Variants in GAB2 observed in about 807,000 individuals in gnomAD.
GAB2 encodes the protein GRB2 associated binding protein 2, also known as GRB2-associated-binding protein 2.
Under a neutral mutation model 65.5 loss-of-function variants are expected in GAB2, and 26 were observed. The ratio of observed to expected loss-of-function variants is 0.40; its 90% CI spans 0.29 to 0.55. The LOEUF (loss-of-function observed/expected upper bound fraction) is 0.55, where lower values mean the gene tolerates loss of function less well. Among genes scored for constraint, GAB2 ranks in the 20% least tolerant of loss-of-function variants. The pLI is 0.53. For synonymous variants in GAB2, 321 were observed against 329.6 expected, an observed-to-expected ratio of 0.97 and a Z score of 0.28; for missense variants, 884 against 875.8, an observed-to-expected ratio of 1.01 and a Z score of -0.12.
At position 78,226,519 on chromosome 11, in the gene GAB2, T is replaced by G; in HGVS notation, c.1153A>C (p.Thr385Pro). The change falls in exon 4 of 10, where the codon ACC (threonine) becomes CCC (proline). Residue 385 changes from threonine (T) to proline (P), a missense_variant. By Grantham distance (38) the Thr-to-Pro change is conservative. Coordinates refer to ENST00000361507, the MANE Select transcript of GAB2 (RefSeq NM_080491.3). The stretch of plus-strand genomic sequence containing the variant: ...GGGAGGGTGTTGCGTCTGGGGATGG[T>G]GGCAGCGACAGATCTGCTATTTTCA... ...ISENSRSVAATIPRRNTLPAM... is the reference protein window; with the variant it reads ...ISENSRSVAAPIPRRNTLPAM... 1 of 1,596,740 alleles carries G rather than the reference T, an allele frequency of 6.3e-7. No homozygotes were observed. The highest frequency in any genetic ancestry group is 8.5e-7 in the Non-Finnish European group (1 of 1,173,306).
At chr11:78,251,261 T>C (rs940054507) in intron 2 of GAB2, among the ~76,000 whole-genome samples, 1 of 152,124 alleles carries the variant, frequency 6.6e-6, no homozygotes, top group African/African-American at 2.4e-5. Flanking sequence ...CACAAATGCA[T>C]TTGGAGCTGT....
intron 1 of GAB2, among the ~76,000 whole-genome samples, chr11:78,288,714 T>C (rs751432390): frequency 1.6e-4 from 25 of 152,186 alleles, no homozygotes; most frequent in Admixed American, 3.9e-4. Flanking sequence ...ACATACCATA[T>C]TCATGGATTG....
chr11:78,361,385 A>C (rs1398306643), intron 1 of GAB2, among the ~76,000 whole-genome samples: 2 of 152,164 alleles, frequency 1.3e-5, no homozygotes, highest in East Asian at 3.8e-4. Context: ...ACTATTTTCA[A>C]ATCCTGCATG....
chr11:78,305,878 G>C (rs1855346037), intron 1 of GAB2, among the ~76,000 whole-genome samples: 1 of 152,150 alleles, frequency 6.6e-6, no homozygotes, highest in Non-Finnish European at 1.5e-5. Flanking sequence ...AGAGGAAAAG[G>C]CAAGCATTGC....
At chr11:78,252,539 CT>C (rs779318326) in intron 2 of GAB2, among the ~76,000 whole-genome samples, 8 of 152,208 alleles carry the variant, frequency 5.3e-5, no homozygotes, top group Non-Finnish European at 1.2e-4. Flanking sequence ...TCTCTGTTGT[CT>C]CGTTGGACTC....
At chr11:78,275,922 T>C (rs1276619551) in intron 2 of GAB2, among the ~76,000 whole-genome samples, 3 of 151,990 alleles carry the variant, frequency 2.0e-5, no homozygotes, top group Non-Finnish European at 4.4e-5. Flanking sequence ...GACACCAGCC[T>C]GGACAACAGG....
At chr11:78,399,101 A>G (rs1214449641) in intron 1 of GAB2, among the ~76,000 whole-genome samples, 2 of 152,254 alleles carry the variant, frequency 1.3e-5, no homozygotes, top group African/African-American at 4.8e-5. Flanking sequence ...AAGTAAATAA[A>G]TAAGAAGCCA....
chr11:78,265,815 G>A (rs561806861), intron 2 of GAB2, among the ~76,000 whole-genome samples: 1 of 152,146 alleles, frequency 6.6e-6, no homozygotes, highest in African/African-American at 2.4e-5. Context: ...AAAGCTTTCT[G>A]TTCTCCCCAA....
In GAB2 at chr11:78,401,658, C is replaced by T. The variant is rs756186736; in HGVS notation, c.75+15988G>A. Among the ~76,000 whole-genome samples, 5 of 150,808 alleles carry T rather than the reference C, an allele frequency of 3.3e-5. No individual in the cohort carries two copies. In the East Asian group the frequency reaches 5.8e-4, roughly 18 times the overall value. On this transcript the variant is annotated intron_variant, in intron 1 of 9. Coordinates refer to ENST00000361507, the MANE Select transcript of GAB2 (RefSeq NM_080491.3). Reference sequence around the variant, plus strand: ...GCTGAACAGTATTCCAGTGTGTGTGCGTGTGTGTATATATATGTATACCAG... The same window carrying T: ...GCTGAACAGTATTCCAGTGTGTGTGTGTGTGTGTATATATATGTATACCAG...
At chr11:78,309,766 C>T (rs1855448158) in intron 1 of GAB2, among the ~76,000 whole-genome samples, 1 of 152,116 alleles carries the variant, frequency 6.6e-6, no homozygotes, top group Non-Finnish European at 1.5e-5. Context: ...AACAGAAAAG[C>T]TGCTTTTCTC....
At chr11:78,235,284 C>T (rs1402103101) in intron 3 of GAB2, among the ~76,000 whole-genome samples, 1 of 151,866 alleles carries the variant, frequency 6.6e-6, no homozygotes, top group Non-Finnish European at 1.5e-5. Flanking sequence ...TCCCGAGTAG[C>T]TGGGACTAAA....
chr11:78,272,401 G>T (rs1269444611), intron 2 of GAB2, among the ~76,000 whole-genome samples: 1 of 152,170 alleles, frequency 6.6e-6, no homozygotes. Context: ...TGGAGATGAG[G>T]AACTTGTTGG....
At chr11:78,294,471 G>C (rs138105085) in intron 1 of GAB2, among the ~76,000 whole-genome samples, 2,645 of 152,248 alleles carry the variant, frequency 0.017, 88 homozygotes, top group African/African-American at 0.062. Flanking sequence ...TCTAGTTCAA[G>C]ATCCCTGAGG....
At position 78,370,712 on chromosome 11, in the gene GAB2, C is replaced by CCTGTGTGTATGTGTGT. The variant is rs58668713; in HGVS notation, c.75+46933_75+46934insACACACATACACACAG. 3.8e-3 allele frequency among the ~76,000 whole-genome samples: 470 copies of CCTGTGTGTATGTGTGT among 123,290 alleles called. 3 individuals are homozygous for CCTGTGTGTATGTGTGT. The highest frequency in any genetic ancestry group is 0.013 in the African/African-American group (447 of 34,646). The allele number at this position is 123,290 out of a possible 152,430, so 80.9% of individuals were successfully genotyped here. Reference sequence around the variant, plus strand: ...ACTACTAATATTGTATGTGTGTGTGCGTGTGTGTGTGTATGTGTGTGTGTG... The same window carrying CCTGTGTGTATGTGTGT: ...ACTACTAATATTGTATGTGTGTGTGCCTGTGTGTATGTGTGTGTGTGTGTGTGTATGTGTGTGTGTG... On this transcript the variant is annotated intron_variant, in intron 1 of 9. Coordinates refer to ENST00000361507, the MANE Select transcript of GAB2 (RefSeq NM_080491.3).
At chr11:78,293,918 AT>A (rs1413946278) in intron 1 of GAB2, among the ~76,000 whole-genome samples, 2 of 107,730 alleles carry the variant, frequency 1.9e-5, no homozygotes, top group Non-Finnish European at 4.2e-5. Context: ...GTCTTTTTTT[AT>A]TTTTATTTTT....
intron 1 of GAB2, among the ~76,000 whole-genome samples, chr11:78,389,797 C>T (rs1376958989): frequency 3.3e-5 from 5 of 152,192 alleles, no homozygotes; most frequent in Non-Finnish European, 1.5e-5. Context: ...CCTTTTACCA[C>T]CCCTGCCAGT....
At chr11:78,250,621 G>A (rs1202258709) in intron 2 of GAB2, among the ~76,000 whole-genome samples, 2 of 152,090 alleles carry the variant, frequency 1.3e-5, no homozygotes, top group African/African-American at 4.8e-5. Context: ...GCCTGGAGGT[G>A]ACTTCCTATC....
intron 3 of GAB2, chr11:78,232,025 A>G (rs887329938): frequency 6.6e-6 from 1 of 152,236 alleles, no homozygotes; most frequent in African/African-American, 2.4e-5. Context: ...CAATCTTTGT[A>G]TCTCAAACCC....
intron 1 of GAB2, among the ~76,000 whole-genome samples, chr11:78,351,345 G>C (rs555750887): frequency 6.6e-6 from 1 of 152,198 alleles, no homozygotes; most frequent in East Asian, 1.9e-4. Context: ...AACTGCTCTA[G>C]GGGGCAGGGG....
Sources: gnomAD v4.1 joint callset for allele counts (sites outside exome capture counted in the v4.1 genomes callset) on GRCh38, gnomAD v4.1.1 for gene constraint, MANE v1.5 for transcripts, NCBI Gene and HGNC (gene_info 2026-07-23, HGNC 2026-07-21) for gene names.